Variants in MOSMO observed in about 807,000 individuals in gnomAD.
The protein encoded by MOSMO is modulator of smoothened, also known as modulator of smoothened protein.
In MOSMO, 5 loss-of-function variants were observed where a neutral mutation model predicts 18.4. The ratio of observed to expected loss-of-function variants is 0.27; its 90% CI spans 0.14 to 0.57. MOSMO has a LOEUF of 0.57. Ranked by LOEUF, MOSMO falls within the 20% of genes least tolerant of loss-of-function variation. The probability of loss-of-function intolerance (pLI) is 0.92; values close to 1 mark genes in which losing one functional copy is unlikely to be tolerated. For missense variants in MOSMO, 138 were observed against 211.8 expected (o/e 0.65, Z 2.16); for synonymous variants, 82 against 82.3 (o/e 1.00, Z 0.02).
intron 2 of MOSMO, 78 bp from the exon 3 acceptor site, chr16:22,080,618 T>G: frequency 9.8e-7 from 1 of 1,022,516 alleles, no homozygotes; most frequent in Non-Finnish European, 1.4e-6. Flanking sequence ...CTTACAAGCT[T>G]CCTTTGTGCC....
At chr16:22,024,568 T>G (rs1235739658) in intron 1 of MOSMO, among the ~76,000 whole-genome samples, 2 of 152,100 alleles carry the variant, frequency 1.3e-5, no homozygotes, top group African/African-American at 4.8e-5. Flanking sequence ...GGTTTCACCA[T>G]GTTGGCCAGG....
At chr16:22,060,601 G>A (rs1023238958) in intron 1 of MOSMO, among the ~76,000 whole-genome samples, 1 of 152,108 alleles carries the variant, frequency 6.6e-6, no homozygotes, top group Admixed American at 6.5e-5. Context: ...GGCCGGGCAC[G>A]GTGGCTCACA....
At chr16:22,020,331 G>T (rs908501993) in intron 1 of MOSMO, among the ~76,000 whole-genome samples, 239 of 58,850 alleles carry the variant, frequency 4.1e-3, no homozygotes, top group African/African-American at 0.014. Flanking sequence ...TTTTGCTCTT[G>T]TTGCCCAGGC....
intron 1 of MOSMO, among the ~76,000 whole-genome samples, chr16:22,040,154 A>G (rs1399642349): frequency 6.6e-6 from 1 of 152,224 alleles, no homozygotes; most frequent in East Asian, 1.9e-4. Context: ...AACAGAAGGA[A>G]CAAATAAGAA....
At position 22,008,166 on chromosome 16, in the gene MOSMO, C is replaced by T; in HGVS notation, c.-136C>T. 5.2e-6 allele frequency: 1 copy of T among 192,774 alleles called. No individual in the cohort carries two copies. Among genetic ancestry groups the T allele is most frequent in the Non-Finnish European group, 9.3e-6 (1 of 107,458 alleles). 11.9% of individuals were successfully genotyped at this position (192,774 alleles called of 1,614,324 possible). On this transcript the variant is annotated 5_prime_UTR_variant, in exon 1 of 3. Coordinates refer to ENST00000542527, the MANE Select transcript of MOSMO (RefSeq NM_001164579.2). ...GCTGGTCCCGGGCGCGCGGAGGGCG[C>T]GAGCGGCGCGCGGGGGCCGAGGGGG...
intron 1 of MOSMO, among the ~76,000 whole-genome samples, chr16:22,061,516 GTGGATGTGTGTC>G (rs1193613073): frequency 6.6e-6 from 1 of 152,156 alleles, no homozygotes; most frequent in Non-Finnish European, 1.5e-5. Context: ...TTAACTTTCT[GTGGATGTGTGTC>G]TGGCTGTGTG....
chr16:22,017,772 C>G (rs143427550), intron 1 of MOSMO, among the ~76,000 whole-genome samples: 40 of 152,244 alleles, frequency 2.6e-4, no homozygotes, highest in African/African-American at 9.1e-4. Flanking sequence ...GTAAACTTTA[C>G]TGTGCATTCT....
At chr16:22,051,395 A>G (rs965845433) in intron 1 of MOSMO, among the ~76,000 whole-genome samples, 2 of 152,126 alleles carry the variant, frequency 1.3e-5, no homozygotes, top group Admixed American at 6.5e-5. Context: ...CCAAAAAAAA[A>G]AGGACTCTAC....
intron 1 of MOSMO, among the ~76,000 whole-genome samples, chr16:22,035,634 A>G (rs1269224940): frequency 6.6e-6 from 1 of 151,976 alleles, no homozygotes; most frequent in African/African-American, 2.4e-5. Context: ...GATTTTTTGT[A>G]TCTACCTGTT....
chr16:22,047,647 A>G (rs1900340599), intron 1 of MOSMO, among the ~76,000 whole-genome samples: 1 of 152,080 alleles, frequency 6.6e-6, no homozygotes, highest in African/African-American at 2.4e-5. Flanking sequence ...CTTTTTCCCT[A>G]TATGCAGGTT....
intron 1 of MOSMO, among the ~76,000 whole-genome samples, chr16:22,010,147 A>G (rs1470818326): frequency 1.3e-5 from 2 of 152,070 alleles, no homozygotes; most frequent in South Asian, 2.1e-4. Context: ...CTCTCCCCCA[A>G]TCTAGACCTA....
In MOSMO at chr16:22,071,712, G is replaced by A. The variant is rs567814238; in HGVS notation, c.107-3775G>A. On this transcript the variant is annotated intron_variant, in intron 1 of 2. Transcript: ENST00000542527. Reference sequence around the variant, plus strand: ...AGTTCCATTTCCTTTTTCCTATTGTGTACAAGTCTTTTATTTGGCTGGGTT... The same window carrying A: ...AGTTCCATTTCCTTTTTCCTATTGTATACAAGTCTTTTATTTGGCTGGGTT... Among the ~76,000 whole-genome samples, 10 of 152,262 alleles carry A rather than the reference G, an allele frequency of 6.6e-5. No homozygotes were observed. The South Asian group carries it at 1.9e-3, about 28-fold the overall frequency.
At chr16:22,059,058 T>C (rs953567661) in intron 1 of MOSMO, among the ~76,000 whole-genome samples, 7 of 152,242 alleles carry the variant, frequency 4.6e-5, no homozygotes, top group African/African-American at 1.7e-4. Flanking sequence ...TGTTGTGATG[T>C]AGTAACCCTC....
intron 1 of MOSMO, chr16:22,064,379 G>A: frequency 2.2e-6 from 1 of 456,454 alleles, no homozygotes; most frequent in Non-Finnish European, 4.4e-6. Context: ...AAACCATGGA[G>A]GTTATTCATT....
At chr16:22,062,211 AG>A (rs1900657923) in intron 1 of MOSMO, among the ~76,000 whole-genome samples, 2 of 152,206 alleles carry the variant, frequency 1.3e-5, no homozygotes, top group African/African-American at 2.4e-5. Context: ...AGAGACTCAG[AG>A]GTACTATGAG....
chr16:22,062,690 T>G (rs1900671029), intron 1 of MOSMO, among the ~76,000 whole-genome samples: 2 of 152,180 alleles, frequency 1.3e-5, no homozygotes. Context: ...TCTATCAAGT[T>G]CTTACTCTGT....
intron 1 of MOSMO, among the ~76,000 whole-genome samples, chr16:22,048,307 A>G (rs1390268658): frequency 1.3e-5 from 2 of 152,228 alleles, no homozygotes; most frequent in East Asian, 1.9e-4. Flanking sequence ...TGCTGTATAC[A>G]AAGGACTTAG....
intron 1 of MOSMO, among the ~76,000 whole-genome samples, chr16:22,022,311 C>G (rs1899781762): frequency 6.6e-6 from 1 of 152,154 alleles, no homozygotes; most frequent in African/African-American, 2.4e-5. Context: ...GCATGAGCCA[C>G]TGCCCAGGCC....
intron 1 of MOSMO, among the ~76,000 whole-genome samples, chr16:22,066,054 C>T (rs961728627): frequency 2.6e-5 from 4 of 152,176 alleles, no homozygotes; most frequent in Admixed American, 6.5e-5. Context: ...TACCTGTCCC[C>T]AGTACCCTTG....
Sources: allele counts gnomAD v4.1 joint callset (sites outside exome capture counted in the v4.1 genomes callset), GRCh38; gene constraint gnomAD v4.1.1; transcripts MANE v1.5; gene names NCBI Gene and HGNC (gene_info 2026-07-23, HGNC 2026-07-21).